Variants in DPYD observed in about 807,000 individuals in gnomAD.
DPYD encodes the protein dihydropyrimidine dehydrogenase, also known as dihydropyrimidine dehydrogenase [NADP(+)].
Under a neutral mutation model 116.2 loss-of-function variants are expected in DPYD, and 109 were observed. The observed-to-expected ratio is 0.94, with a 90% CI of 0.80 to 1.10. The LOEUF (loss-of-function observed/expected upper bound fraction) is 1.10, where lower values mean the gene tolerates loss of function less well. DPYD is among the 50% of genes least tolerant of loss of function. DPYD has a pLI of 0.00. For missense variants in DPYD, 1,302 were observed against 1,254.5 expected (o/e 1.04, Z -0.57); for synonymous variants, 440 against 432.0 (o/e 1.02, Z -0.23).
intron 22 of DPYD, among the ~76,000 whole-genome samples, chr1:97,080,572 T>A (rs1429002067): frequency 6.6e-6 from 1 of 152,138 alleles, no homozygotes; most frequent in Non-Finnish European, 1.5e-5. Flanking sequence ...CATGAGAATA[T>A]CTGTCCACAC....
chr1:97,857,038 G>A (rs1468678801), intron 2 of DPYD, among the ~76,000 whole-genome samples: 1 of 152,110 alleles, frequency 6.6e-6, no homozygotes, highest in African/African-American at 2.4e-5. Flanking sequence ...ATTCTATAAA[G>A]ATGAACCTCT....
intron 3 of DPYD, among the ~76,000 whole-genome samples, chr1:97,786,374 G>C (rs1318799964): frequency 6.6e-6 from 1 of 152,148 alleles, no homozygotes; most frequent in Non-Finnish European, 1.5e-5. Flanking sequence ...ACGTGTAATT[G>C]GCCTTCACTT....
chr1:97,452,792 C>T (rs1167955183), intron 13 of DPYD, among the ~76,000 whole-genome samples: 1 of 152,026 alleles, frequency 6.6e-6, no homozygotes, highest in African/African-American at 2.4e-5. Flanking sequence ...TCCCCTTCTG[C>T]CTTGATTGGA....
chr1:97,420,230 A>G (rs1289032301), intron 14 of DPYD: 2 of 152,238 alleles, frequency 1.3e-5, no homozygotes, highest in Non-Finnish European at 1.5e-5. Flanking sequence ...TGGAACCTAG[A>G]GGGCAAGGTG....
chr1:97,392,885 C>T (rs1672791782), intron 14 of DPYD, among the ~76,000 whole-genome samples: 1 of 152,016 alleles, frequency 6.6e-6, no homozygotes, highest in Non-Finnish European at 1.5e-5. Flanking sequence ...GGCTTGCAAT[C>T]AATTTCTTCC....
At chr1:97,879,290 G>T (rs1672070281) in intron 2 of DPYD, among the ~76,000 whole-genome samples, 1 of 151,680 alleles carries the variant, frequency 6.6e-6, no homozygotes, top group African/African-American at 2.4e-5. Flanking sequence ...TTTATGGTGA[G>T]CACCTTGTAT....
intron 20 of DPYD, among the ~76,000 whole-genome samples, chr1:97,164,466 G>A (rs903675341): frequency 1.3e-5 from 2 of 152,118 alleles, no homozygotes; most frequent in Non-Finnish European, 2.9e-5. Context: ...GCACCCAGAT[G>A]GGAAGAGAGG....
chr1:97,587,874 G>C (rs1676579974), intron 10 of DPYD, among the ~76,000 whole-genome samples: 1 of 148,586 alleles, frequency 6.7e-6, no homozygotes, highest in African/African-American at 2.5e-5. Flanking sequence ...ATAAGAAATT[G>C]ATGACAAAAC....
chr1:97,473,092 G>T (rs1677751064), intron 13 of DPYD, among the ~76,000 whole-genome samples: 1 of 152,158 alleles, frequency 6.6e-6, no homozygotes, highest in Admixed American at 6.5e-5. Flanking sequence ...AATTGTAAGT[G>T]TGTACCCTTT....
intron 8 of DPYD, among the ~76,000 whole-genome samples, chr1:97,607,833 A>G (rs1045026791): frequency 6.6e-6 from 1 of 151,938 alleles, no homozygotes; most frequent in Non-Finnish European, 1.5e-5. Flanking sequence ...AAGCACAAAC[A>G]GTGTTCAAAA....
rs369690418 is a variant in DPYD, at chr1:97,299,931, G to A, written c.2299+5328C>T. Among the ~76,000 whole-genome samples, 6 of 152,154 alleles carry A rather than the reference G, an allele frequency of 3.9e-5. No homozygotes were observed. In the East Asian group the frequency reaches 1.2e-3, roughly 30 times the overall value. On this transcript the variant is annotated intron_variant, in intron 18 of 22. Coordinates refer to ENST00000370192, the MANE Select transcript of DPYD (RefSeq NM_000110.4). ...GAAAGAGGGGATTCTTTGTCAATCTGTACATGAATATATTCAAATGAGCAT... is the reference window on the plus strand; with the variant it reads ...GAAAGAGGGGATTCTTTGTCAATCTATACATGAATATATTCAAATGAGCAT...
chr1:97,214,920 G>C (rs1333865473), intron 19 of DPYD, among the ~76,000 whole-genome samples: 1 of 152,070 alleles, frequency 6.6e-6, no homozygotes, highest in Non-Finnish European at 1.5e-5. Flanking sequence ...ATTAACACTT[G>C]ACCCTTTCCT....
intron 8 of DPYD, among the ~76,000 whole-genome samples, chr1:97,672,314 T>C (rs1307363821): frequency 6.6e-6 from 1 of 152,156 alleles, no homozygotes; most frequent in Non-Finnish European, 1.5e-5. Context: ...TCTATAGATA[T>C]GTTAATATGA....
rs1057013928 is a variant in DPYD, at chr1:97,604,620, T to C, written c.851-9454A>G. Among the ~76,000 whole-genome samples the C allele has an allele frequency of 5.3e-5, 8 of 152,244 alleles. No homozygotes were observed. The South Asian group carries it at 8.3e-4, about 16-fold the overall frequency. ...AAGAAATATGTTAGATATTAGAAAA[T>C]ATGAAATCATTTTCATGCATAAATA... On this transcript the variant is annotated intron_variant, in intron 8 of 22. Coordinates refer to ENST00000370192, the MANE Select transcript of DPYD (RefSeq NM_000110.4).
At chr1:97,464,762 G>C (rs1227435183) in intron 13 of DPYD, among the ~76,000 whole-genome samples, 1 of 152,230 alleles carries the variant, frequency 6.6e-6, no homozygotes, top group Non-Finnish European at 1.5e-5. Context: ...GGCAGCAAAA[G>C]TTTGCTGCAG....
At chr1:97,584,810 G>C (rs12752057) in intron 10 of DPYD, among the ~76,000 whole-genome samples, 1 of 104,344 alleles carries the variant, frequency 9.6e-6, no homozygotes, top group Non-Finnish European at 1.8e-5. Context: ...GGGGTGGGGG[G>C]AGGGGGGAGG....
rs1336446890 is a variant in DPYD, at chr1:97,892,947, TCTA to T, written c.40-9576_40-9574del. 2.0e-5 allele frequency among the ~76,000 whole-genome samples: 3 copies of T among 151,852 alleles called. No individual in the cohort carries two copies. The East Asian group carries it at 5.8e-4, about 30-fold the overall frequency. On this transcript the variant is annotated intron_variant, in intron 1 of 22. Coordinates refer to ENST00000370192, the MANE Select transcript of DPYD (RefSeq NM_000110.4). ...GTTGGTTATTTAAACTCTCAAGCTCTCTACTCCTTCAACTGTAAAATGGTGATT... is the reference window on the plus strand; with the variant it reads ...GTTGGTTATTTAAACTCTCAAGCTCTCTCCTTCAACTGTAAAATGGTGATT...
At chr1:97,273,068 G>A in intron 18 of DPYD, among the ~76,000 whole-genome samples, 1 of 152,096 alleles carries the variant, frequency 6.6e-6, no homozygotes, top group East Asian at 1.9e-4. Context: ...TAAAATTAAA[G>A]AGGAGACAGA....
chr1:97,699,199 A>T, intron 6 of DPYD, 152 bp downstream of exon 6: 1 of 847,768 alleles, frequency 1.2e-6, no homozygotes, highest in Non-Finnish European at 1.8e-6. Flanking sequence ...TAAAGTGAAT[A>T]ATGTAATCAA....
Sources: gnomAD v4.1 joint callset for allele counts (sites outside exome capture counted in the v4.1 genomes callset) on GRCh38, gnomAD v4.1.1 for gene constraint, MANE v1.5 for transcripts, NCBI Gene and HGNC (gene_info 2026-07-23, HGNC 2026-07-21) for gene names.